The following CYB5R3 variants were observed in gnomAD, a reference collection of about 807,000 sequenced individuals.
CYB5R3 encodes the protein cytochrome b5 reductase 3.
Under a neutral mutation model 36.5 loss-of-function variants are expected in CYB5R3, and 28 were observed. The ratio of observed to expected loss-of-function variants is 0.77; its 90% confidence interval spans 0.57 to 1.05. CYB5R3 has a LOEUF of 1.05. CYB5R3 is among the 50% of genes least tolerant of loss of function. The pLI, the probability that CYB5R3 is intolerant of heterozygous loss-of-function variation, is 0.00. For missense variants in CYB5R3, 474 were observed against 408.9 expected (o/e 1.16, Z -1.37); for synonymous variants, 181 against 159.8 (o/e 1.13, Z -1.00).
chr22:42,641,783 GC>G (rs1224314325), intron 1 of CYB5R3, among the ~76,000 whole-genome samples: 1 of 152,130 alleles, frequency 6.6e-6, no homozygotes, highest in Non-Finnish European at 1.5e-5. Context: ...ACAGCGCCTG[GC>G]CAATTTTTGT....
rs1350830682 is a variant in CYB5R3, at chr22:42,636,876, C to CA, written c.22-31dup. The CA allele has an allele frequency of 1.2e-5, 19 of 1,608,272 alleles. No individual in the cohort carries two copies. The Admixed American group carries it at 3.2e-4, about 27-fold the overall frequency. On this transcript the variant is annotated intron_variant, in intron 1 of 8. Transcript: ENST00000352397. ...AACGACAGGACCCGCGGGGTCAGTG[C>CA]AGGAGCCTGCCTTTCCCCAAACACA...
chr22:42,640,292 T>A, intron 1 of CYB5R3: 1 of 1,541,838 alleles, frequency 6.5e-7, no homozygotes, highest in South Asian at 1.2e-5. Flanking sequence ...GGATGGAAAG[T>A]CCATCATCCC....
At position 42,639,352 on chromosome 22, in the gene CYB5R3, G is replaced by C. The variant is rs375233773; in HGVS notation, c.22-2506C>G. Among the ~76,000 whole-genome samples, 182 of 150,380 alleles carry C rather than the reference G, an allele frequency of 1.2e-3. 1 individual carries two copies. The highest frequency in any genetic ancestry group is 4.3e-3 in the African/African-American group (175 of 40,840). Reference sequence around the variant, plus strand: ...AAAAAAAAAAGTGGGGGGGGACCGGGCACGGTGGCTCACGCCTGTAATCCC... The same window carrying C: ...AAAAAAAAAAGTGGGGGGGGACCGGCCACGGTGGCTCACGCCTGTAATCCC... On this transcript the variant is annotated intron_variant, in intron 1 of 8. Transcript: ENST00000352397.
intron 8 of CYB5R3, among the ~76,000 whole-genome samples, chr22:42,621,299 G>A (rs1927958732): frequency 1.3e-5 from 2 of 152,022 alleles, no homozygotes; most frequent in South Asian, 4.2e-4. Context: ...ATGCCCTCCA[G>A]CCTGGAGCTC....
chr22:42,636,424 C>T (rs573431838), intron 2 of CYB5R3, among the ~76,000 whole-genome samples: 68 of 152,104 alleles, frequency 4.5e-4, no homozygotes, highest in Non-Finnish European at 9.0e-4. Context: ...TGCATTCCTA[C>T]CCCATAAATG....
At chr22:42,625,548 A>G (rs137132) in intron 7 of CYB5R3, among the ~76,000 whole-genome samples, 47,014 of 151,938 alleles carry the variant, frequency 0.31, 10,167 homozygotes, top group East Asian at 0.68. Context: ...TCTCTGAGCT[A>G]AAGTGTGTCT....
intron 4 of CYB5R3, among the ~76,000 whole-genome samples, chr22:42,629,735 G>T (rs1928509473): frequency 6.6e-6 from 1 of 152,138 alleles, no homozygotes; most frequent in Non-Finnish European, 1.5e-5. Context: ...GATTGGGGAG[G>T]GTCTCCAACA....
At chr22:42,627,761 G>C in intron 5 of CYB5R3, 73 bp from the exon 6 acceptor site, 1 of 1,195,726 alleles carries the variant, frequency 8.4e-7, no homozygotes. Context: ...CTGGAGAGGG[G>C]GCTGGAGAAC....
intron 1 of CYB5R3, 34 bp downstream of exon 1, chr22:42,649,261 C>A: frequency 1.1e-6 from 1 of 919,070 alleles, no homozygotes; most frequent in Non-Finnish European, 1.3e-6. Context: ...TCCCTCGCGA[C>A]GCCCCGCGGC....
chr22:42,643,734 C>T (rs1929400632), intron 1 of CYB5R3, among the ~76,000 whole-genome samples: 1 of 152,282 alleles, frequency 6.6e-6, no homozygotes, highest in African/African-American at 2.4e-5. Flanking sequence ...TCCCAGGCCT[C>T]CTTTAAGGCC....
intron 1 of CYB5R3, among the ~76,000 whole-genome samples, chr22:42,637,697 G>A (rs946848424): frequency 6.6e-6 from 1 of 152,164 alleles, no homozygotes; most frequent in Non-Finnish European, 1.5e-5. Flanking sequence ...GGGCCACGTC[G>A]GGTACCACAC....
chr22:42,647,022 C>T (rs958799635), intron 1 of CYB5R3: 1 of 975,522 alleles, frequency 1.0e-6, no homozygotes, highest in Non-Finnish European at 1.2e-6. Flanking sequence ...TGGCCTGGAT[C>T]CCACAAAGTG....
At chr22:42,622,816 T>C (rs565464719) in intron 8 of CYB5R3, among the ~76,000 whole-genome samples, 1 of 152,230 alleles carries the variant, frequency 6.6e-6, no homozygotes, top group Admixed American at 6.5e-5. Context: ...TGTGGGGCCG[T>C]AGGAGGTGCC....
intron 1 of CYB5R3, among the ~76,000 whole-genome samples, chr22:42,648,117 T>C (rs986413266): frequency 5.3e-5 from 8 of 151,822 alleles, no homozygotes; most frequent in Admixed American, 2.6e-4. Flanking sequence ...CTGGCCAAGG[T>C]TGCCTGGGGT....
intron 1 of CYB5R3, among the ~76,000 whole-genome samples, chr22:42,638,543 A>G (rs567184120): frequency 1.2e-4 from 14 of 121,242 alleles, no homozygotes; most frequent in East Asian, 1.0e-3. Context: ...GTCTCTGTTG[A>G]AAAAAAAAAA....
Position 42,625,257 on chromosome 22 carries a change from A to G in CYB5R3, c.634-1369T>C, listed in dbSNP as rs12166671. ...CATGGTGGCTCATGCCTGTAATCTC[A>G]GCACTTTGGGAGGCTGAGGTGGGTG... On this transcript the variant is annotated intron_variant, in intron 7 of 8. Transcript: ENST00000352397. Among the ~76,000 whole-genome samples, 187 of 152,246 alleles carry G rather than the reference A, an allele frequency of 1.2e-3. 1 individual carries two copies. Among genetic ancestry groups the G allele is most frequent in the African/African-American group, 4.3e-3 (179 of 41,530 alleles).
intron 2 of CYB5R3, among the ~76,000 whole-genome samples, chr22:42,635,429 G>C (rs529544896): frequency 1.3e-5 from 2 of 151,764 alleles, no homozygotes; most frequent in Non-Finnish European, 2.9e-5. Flanking sequence ...TAGTAGAGAT[G>C]GGGTTTCACC....
chr22:42,642,920 G>A (rs550745717), intron 1 of CYB5R3, among the ~76,000 whole-genome samples: 1 of 152,194 alleles, frequency 6.6e-6, no homozygotes, highest in Non-Finnish European at 1.5e-5. Context: ...ATGTGCATGT[G>A]TGTTCTCTTA....
chr22:42,635,180 G>A (rs1191007689), intron 2 of CYB5R3, among the ~76,000 whole-genome samples: 1 of 151,702 alleles, frequency 6.6e-6, no homozygotes, highest in Admixed American at 6.6e-5. Context: ...CGTGTTACCG[G>A]GATGGTCTCA....
Sources: allele counts gnomAD v4.1 joint callset (sites outside exome capture counted in the v4.1 genomes callset), GRCh38; gene constraint gnomAD v4.1.1; transcripts MANE v1.5; gene names NCBI Gene and HGNC (gene_info 2026-07-23, HGNC 2026-07-21).